The following RTTN variants were observed in gnomAD, a reference collection of about 807,000 sequenced individuals.
RTTN encodes the protein rotatin.
Under a neutral mutation model 269.2 loss-of-function variants are expected in RTTN, and 182 were observed. The observed-to-expected ratio is 0.68, with a 90% confidence interval of 0.60 to 0.76. The LOEUF (loss-of-function observed/expected upper bound fraction) is 0.76, where lower values mean the gene tolerates loss of function less well. Among genes scored for constraint, RTTN ranks in the 30% least tolerant of loss-of-function variants. The pLI is 0.00. For synonymous variants in RTTN, 1,006 were observed against 963.5 expected, an observed-to-expected ratio of 1.04 and a Z score of -0.82; for missense variants, 2,545 against 2,608.6, an observed-to-expected ratio of 0.98 and a Z score of 0.53.
At chr18:70,193,237 C>T in intron 8 of RTTN, 51 bp downstream of exon 8, 1 of 1,417,288 alleles carries the variant, frequency 7.1e-7, no homozygotes, top group Non-Finnish European at 9.6e-7. Context: ...TTAACACACA[C>T]ACAAGTTAAC....
Position 70,204,229 on chromosome 18 carries a change from C to T in RTTN, c.254G>A (p.Gly85Asp), listed in dbSNP as rs2062022798. Residue 85 changes from glycine to aspartate, a missense_variant, in exon 3 of 49, where the codon GGT (glycine) becomes GAT (aspartate). Physicochemically the swap from Gly to Asp is moderately conservative, Grantham distance 94. Transcript: ENST00000640769. ...PPAVQHLVDV[G>D]AVEFLSKLRS... ...AAGCTTAGATAAGAACTCTACTGCA[C>T]CAACGTCAACCAAATGTTGGACTGC... 6.2e-7 allele frequency: 1 copy of T among 1,612,802 alleles called. No homozygotes were observed. The highest frequency in any genetic ancestry group is 2.2e-5 in the East Asian group (1 of 44,854).
chr18:70,191,824 C>T (rs1037526883), intron 8 of RTTN, among the ~76,000 whole-genome samples: 1 of 152,144 alleles, frequency 6.6e-6, no homozygotes, highest in African/African-American at 2.4e-5. Flanking sequence ...ATGGAAACAA[C>T]TCGGGCTTCT....
In RTTN at chr18:70,127,627, C is replaced by T; in HGVS notation, c.3258G>A (p.Arg1086=). The change falls in exon 25 of 49, where the codon AGG becomes AGA. Residue 1086 remains arginine (R), a synonymous_variant. Coordinates refer to ENST00000640769, the MANE Select transcript of RTTN (RefSeq NM_173630.4). ...LHSIVQAATH[R]EVRAAVTRMS... is the part of the protein sequence containing the mutation. ...TCCTGGTGACAGCAGCCCTAACTTC[C>T]CTGTGGGTTGCAGCCTGAACAATGG... The T allele has an allele frequency of 6.2e-7, 1 of 1,613,560 alleles. No homozygotes were observed. Among genetic ancestry groups the T allele is most frequent in the Non-Finnish European group, 8.5e-7 (1 of 1,179,748 alleles).
At chr18:70,029,245 T>C (rs1345493348) in intron 42 of RTTN, among the ~76,000 whole-genome samples, 1 of 152,012 alleles carries the variant, frequency 6.6e-6, no homozygotes, top group African/African-American at 2.4e-5. Context: ...TTTGTCTTGG[T>C]TTCTTAAATG....
chr18:70,049,314 G>A (rs1210962065), intron 39 of RTTN, among the ~76,000 whole-genome samples: 1 of 152,054 alleles, frequency 6.6e-6, no homozygotes, highest in African/African-American at 2.4e-5. Flanking sequence ...GATATTATTG[G>A]TGATTCAGGT....
chr18:70,157,261 G>A (rs1161395075), intron 14 of RTTN, among the ~76,000 whole-genome samples: 1 of 152,160 alleles, frequency 6.6e-6, no homozygotes, highest in Non-Finnish European at 1.5e-5. Flanking sequence ...CTCCTCCAGT[G>A]CAGCAGATGC....
Position 70,149,045 on chromosome 18 carries a change from A to C in RTTN, c.2173-8T>G. ...TTCTGTGTCGGCATAGCCCTAATAGATTTGTTTTTAAAGAGAAATTATTGT... is the reference window on the plus strand; with the variant it reads ...TTCTGTGTCGGCATAGCCCTAATAGCTTTGTTTTTAAAGAGAAATTATTGT... On this transcript the variant is annotated splice_region_variant and splice_polypyrimidine_tract_variant and intron_variant, in intron 16 of 48. Transcript: ENST00000640769. The C allele has an allele frequency of 1.2e-6, 2 of 1,605,884 alleles. No homozygotes were observed. The highest frequency in any genetic ancestry group is 1.7e-6 in the Non-Finnish European group (2 of 1,176,528).
At chr18:70,018,125 GTGT>G (rs747130915) in intron 45 of RTTN, among the ~76,000 whole-genome samples, 14 of 152,230 alleles carry the variant, frequency 9.2e-5, no homozygotes, top group Admixed American at 1.3e-4. Context: ...ATAGCTACAG[GTGT>G]TGTTGTTGTT....
chr18:70,187,306 T>C (rs1489821796), intron 10 of RTTN, among the ~76,000 whole-genome samples: 1 of 152,148 alleles, frequency 6.6e-6, no homozygotes, highest in Non-Finnish European at 1.5e-5. Flanking sequence ...GTGTCTATAA[T>C]ATACCACCTT....
At chr18:70,095,229 C>CTGAT (rs1219233951) in intron 28 of RTTN, among the ~76,000 whole-genome samples, 2 of 151,974 alleles carry the variant, frequency 1.3e-5, no homozygotes, top group Non-Finnish European at 2.9e-5. Flanking sequence ...ATACAGCACA[C>CTGAT]TGATAGGTCT....
At position 70,075,367 on chromosome 18, in the gene RTTN, T is replaced by G. The variant is rs768753208; in HGVS notation, c.4549A>C (p.Ser1517Arg). The change falls in exon 33 of 49, where the codon AGC (serine) becomes CGC (arginine). Residue 1517 changes from serine to arginine, a missense_variant. Ser to Arg is a moderately radical substitution (Grantham distance 110). Coordinates refer to ENST00000640769, the MANE Select transcript of RTTN (RefSeq NM_173630.4). ...TCGTACTTACCATTTAAATCATTGC[T>G]TTCTGAATTTCTATCAAAAGCAGAA... ...NFSAFDRNSE[S>R]NDLNGLDDSF... 1 of 1,580,090 alleles carries G rather than the reference T, an allele frequency of 6.3e-7. No homozygotes were observed. The highest frequency in any genetic ancestry group is 1.2e-5 in the South Asian group (1 of 83,308).
At chr18:70,152,104 T>C (rs1278441158) in intron 14 of RTTN, among the ~76,000 whole-genome samples, 2 of 152,204 alleles carry the variant, frequency 1.3e-5, no homozygotes, top group African/African-American at 4.8e-5. Context: ...TCTCCACTTC[T>C]GGCTCCCTCT....
chr18:70,043,138 G>A (rs1056602511), intron 40 of RTTN, among the ~76,000 whole-genome samples: 3 of 152,230 alleles, frequency 2.0e-5, no homozygotes, highest in African/African-American at 4.8e-5. Flanking sequence ...TCCAAAAGAT[G>A]AAGCGATGAA....
chr18:70,030,794 C>G, intron 41 of RTTN, 82 bp downstream of exon 41: 1 of 1,056,456 alleles, frequency 9.5e-7, no homozygotes, highest in African/African-American at 1.6e-5. Flanking sequence ...CATTTTGAGT[C>G]CAAAGAAAAT....
intron 40 of RTTN, among the ~76,000 whole-genome samples, chr18:70,038,898 T>A (rs1394162524): frequency 6.6e-6 from 1 of 152,044 alleles, no homozygotes; most frequent in Non-Finnish European, 1.5e-5. Context: ...TTAAGAAGAA[T>A]GAAACAGAAA....
chr18:70,093,673 G>A (rs1046667519), intron 28 of RTTN, among the ~76,000 whole-genome samples: 2 of 152,188 alleles, frequency 1.3e-5, no homozygotes, highest in Non-Finnish European at 2.9e-5. Context: ...TGGTGGATAA[G>A]CTTTTTGATG....
intron 34 of RTTN, among the ~76,000 whole-genome samples, chr18:70,072,822 A>G (rs1166189262): frequency 1.3e-5 from 2 of 152,122 alleles, no homozygotes; most frequent in African/African-American, 2.4e-5. Context: ...GGCATTTATC[A>G]TATTACTGCT....
In RTTN at chr18:70,109,687, T is replaced by C. The variant is rs745617052; in HGVS notation, c.3714A>G (p.Gln1238=). The part of the protein sequence containing the change: ...RKCSELLYVF[Q]TQLALKLLQC... ...GGAGCAGTTTCAGAGCCAGCTGCGT[T>C]TGAAAAACGTAAAGAAGTTCCGAGC... The change falls in exon 28 of 49, where the codon CAA becomes CAG. Residue 1238 remains glutamine (Q), a synonymous_variant. Coordinates refer to ENST00000640769, the MANE Select transcript of RTTN (RefSeq NM_173630.4). 14 of 1,614,058 alleles carry C rather than the reference T, an allele frequency of 8.7e-6. No individual in the cohort carries two copies. Among genetic ancestry groups the C allele is most frequent in the Admixed American group, 5.0e-5 (3 of 60,010 alleles).
At chr18:70,098,570 G>C (rs1299195984) in intron 28 of RTTN, among the ~76,000 whole-genome samples, 3 of 152,000 alleles carry the variant, frequency 2.0e-5, no homozygotes, top group Non-Finnish European at 4.4e-5. Context: ...ATTTCTAATA[G>C]ACAGCAGAAA....
Sources: gnomAD v4.1 joint callset for allele counts (sites outside exome capture counted in the v4.1 genomes callset) on GRCh38, gnomAD v4.1.1 for gene constraint, MANE v1.5 for transcripts, NCBI Gene and HGNC (gene_info 2026-07-23, HGNC 2026-07-21) for gene names.